ICA1L: variants seen among roughly 807,000 people sequenced by gnomAD.
The protein encoded by ICA1L is islet cell autoantigen 1-like protein.
Under a neutral mutation model 61.3 loss-of-function variants are expected in ICA1L, and 50 were observed. The observed-to-expected ratio is 0.82, with a 90% CI of 0.65 to 1.03. The LOEUF is 1.03. Among genes scored for constraint, ICA1L ranks in the 50% least tolerant of loss-of-function variants. ICA1L has a pLI of 0.00. For missense variants in ICA1L, 508 were observed against 556.7 expected (o/e 0.91, Z 0.88); for synonymous variants, 161 against 191.3 (o/e 0.84, Z 1.31).
Position 202,835,448 on chromosome 2 carries a change from C to T in ICA1L, c.-7-6432G>A, listed in dbSNP as rs541640944. On this transcript the variant is annotated intron_variant, in intron 1 of 12. Transcript: ENST00000358299. ...CTCAAACTCTTGACCTCAAGTGATC[C>T]TCCCACCTTGGCCTCCCAAAGTGCT... Among the ~76,000 whole-genome samples the T allele has an allele frequency of 1.3e-4, 20 of 151,954 alleles. No homozygotes were observed. In the South Asian group the frequency reaches 4.2e-3, roughly 32 times the overall value.
At chr2:202,857,483 G>C (rs1694798909) in intron 1 of ICA1L, among the ~76,000 whole-genome samples, 1 of 152,032 alleles carries the variant, frequency 6.6e-6, no homozygotes, top group African/African-American at 2.4e-5. Context: ...ACTCAAGATG[G>C]ATTAAAGACT....
rs1394941750 is a variant in ICA1L at position 202,796,888 on chromosome 2, A to G, written c.985+2T>C. 6.5e-7 allele frequency: 1 copy of G among 1,534,646 alleles called. No homozygotes were observed. The highest frequency in any genetic ancestry group is 1.8e-5 in the Admixed American group (1 of 54,688). On this transcript the variant is annotated splice_donor_variant, in intron 10 of 12. Transcript: ENST00000358299. LOFTEE classifies it high-confidence loss of function. The stretch of plus-strand genomic sequence containing the variant: ...TCATATGTAGAGTGAAATGATTCTT[A>G]CCATTTTCAGAGTTAGAAAACTGAG...
intron 12 of ICA1L, among the ~76,000 whole-genome samples, chr2:202,782,752 GT>G (rs796321822): frequency 1.8e-4 from 27 of 149,700 alleles, no homozygotes; most frequent in African/African-American, 5.1e-4. Context: ...TTGGTGAGAA[GT>G]TTTTTTTTTC....
intron 1 of ICA1L, among the ~76,000 whole-genome samples, chr2:202,848,658 T>C (rs1392620405): frequency 6.6e-6 from 1 of 152,208 alleles, no homozygotes; most frequent in African/African-American, 2.4e-5. Context: ...AAATATAGTC[T>C]GAAAAGTCAT....
rs143297029 is a variant in ICA1L at position 202,857,232 on chromosome 2, T to C, written c.-8+14387A>G. Among the ~76,000 whole-genome samples the C allele has an allele frequency of 3.2e-3, 492 of 152,290 alleles. 4 individuals carry two copies. Among genetic ancestry groups the C allele is most frequent in the African/African-American group, 0.011 (474 of 41,548 alleles). On this transcript the variant is annotated intron_variant, in intron 1 of 12. Coordinates refer to ENST00000358299, the MANE Select transcript of ICA1L (RefSeq NM_001288622.3). ...TATCATGCTACCTGACTTTGAACTA[T>C]ACTACAAGTCTACAGTAACCAAAAC...
chr2:202,830,566 A>C (rs1329225358), intron 1 of ICA1L, among the ~76,000 whole-genome samples: 1 of 152,248 alleles, frequency 6.6e-6, no homozygotes, highest in Non-Finnish European at 1.5e-5. Context: ...TTATTCCAAC[A>C]AACTGTAAGA....
chr2:202,788,457 C>T (rs1232270728), intron 11 of ICA1L, among the ~76,000 whole-genome samples: 1 of 152,142 alleles, frequency 6.6e-6, no homozygotes, highest in African/African-American at 2.4e-5. Flanking sequence ...GGGAACCAGC[C>T]TCCAGAGCTG....
At chr2:202,799,501 A>G (rs1693030949) in intron 9 of ICA1L, among the ~76,000 whole-genome samples, 1 of 152,144 alleles carries the variant, frequency 6.6e-6, no homozygotes. Flanking sequence ...AGTTCCTCGT[A>G]TATTCTGGAT....
chr2:202,833,233 A>T (rs925571255), intron 1 of ICA1L, among the ~76,000 whole-genome samples: 1 of 152,234 alleles, frequency 6.6e-6, no homozygotes, highest in Non-Finnish European at 1.5e-5. Context: ...TAAGGTACTG[A>T]GAGGAGAAAA....
chr2:202,854,739 C>T (rs2105884056), intron 1 of ICA1L, among the ~76,000 whole-genome samples: 1 of 152,304 alleles, frequency 6.6e-6, no homozygotes, highest in Non-Finnish European at 1.5e-5. Flanking sequence ...TTAAGAAACT[C>T]ACCTGAGGCC....
At chr2:202,843,481 A>AT (rs200438238) in intron 1 of ICA1L, among the ~76,000 whole-genome samples, 10 of 151,910 alleles carry the variant, frequency 6.6e-5, no homozygotes, top group Admixed American at 5.2e-4. Context: ...ACCCCAATCT[A>AT]TTTTTTTTCC....
chr2:202,869,841 G>A lies in ICA1L; in HGVS notation c.-8+1778C>T, dbSNP rs1687644979. On this transcript the variant is annotated intron_variant, in intron 1 of 12. Transcript: ENST00000358299. ...TAGAAGGTGACTAAATTTTAATGGTGAATACTGGATCCAAGTACAAGTTTG... is the reference window on the plus strand; with the variant it reads ...TAGAAGGTGACTAAATTTTAATGGTAAATACTGGATCCAAGTACAAGTTTG... Among the ~76,000 whole-genome samples, 3 of 152,000 alleles carry A rather than the reference G, an allele frequency of 2.0e-5. No individual in the cohort carries two copies. In the South Asian group the frequency reaches 6.2e-4, roughly 32 times the overall value.
chr2:202,848,018 G>T (rs1694513963), intron 1 of ICA1L, among the ~76,000 whole-genome samples: 1 of 152,134 alleles, frequency 6.6e-6, no homozygotes, highest in Non-Finnish European at 1.5e-5. Flanking sequence ...TTTTTAAGTG[G>T]GAACTAAACA....
Position 202,816,154 on chromosome 2 carries a change from C to G in ICA1L, c.685-145G>C, listed in dbSNP as rs1693527672. The G allele has an allele frequency of 2.9e-5, 16 of 542,654 alleles. No individual in the cohort carries two copies. The East Asian group carries it at 5.2e-4, about 18-fold the overall frequency. The allele number at this position is 542,654 out of a possible 1,614,324, so 33.6% of individuals were successfully genotyped here. ...AATTCAATTTTCCAAGTTTAGGGAA[C>G]CATAAAGCACTGCAAATAGTACTTG... On this transcript the variant is annotated intron_variant, in intron 6 of 12. Transcript: ENST00000358299.
rs1024315059 is a variant in ICA1L, at chr2:202,774,699, AAG to A, written c.*4832_*4833del. ...GGGTCAGGGAGAAGCACACAAGAAA[AAG>A]AGAATTTCACTGGTGCATTTAAATG... On this transcript the variant is annotated 3_prime_UTR_variant, in exon 13 of 13. Transcript: ENST00000358299. 82 of 174,216 alleles carry A rather than the reference AAG, an allele frequency of 4.7e-4. No individual in the cohort carries two copies. The highest frequency in any genetic ancestry group is 1.8e-3 in the African/African-American group (77 of 42,340). 10.8% of individuals were successfully genotyped at this position (174,216 alleles called of 1,614,324 possible). A position where few individuals can be genotyped will look rare whatever the true frequency, so the allele number is the denominator to read the frequency against.
intron 10 of ICA1L, among the ~76,000 whole-genome samples, chr2:202,791,519 C>T (rs1472908275): frequency 6.6e-6 from 1 of 152,190 alleles, no homozygotes; most frequent in Non-Finnish European, 1.5e-5. Flanking sequence ...CACCATCAGT[C>T]ACTGGAGAAA....
intron 4 of ICA1L, 89 bp downstream of exon 4, chr2:202,821,269 G>C (rs186761269): frequency 1.9e-5 from 24 of 1,290,186 alleles, no homozygotes; most frequent in South Asian, 4.3e-5. Context: ...AGAATGAACA[G>C]TGACCTTTAC....
intron 1 of ICA1L, among the ~76,000 whole-genome samples, chr2:202,845,947 GT>G (rs1279865317): frequency 6.6e-6 from 1 of 152,166 alleles, no homozygotes; most frequent in Admixed American, 6.5e-5. Flanking sequence ...TAACATAGTA[GT>G]CCTGCTTACT....
Position 202,773,685 on chromosome 2 carries a change from T to G in ICA1L, c.*5848A>C. ...TTCAGAGATAGATGCCCAAGAGCTA[T>G]CATTAATATATACAGCATATTGACT... On this transcript the variant is annotated 3_prime_UTR_variant, in exon 13 of 13. Transcript: ENST00000358299. 1.1e-6 allele frequency: 1 copy of G among 871,248 alleles called. No homozygotes were observed. The highest frequency in any genetic ancestry group is 1.8e-6 in the Non-Finnish European group (1 of 547,208). 54.0% of individuals were successfully genotyped at this position (871,248 alleles called of 1,614,324 possible).
Sources: gnomAD v4.1 joint callset for allele counts (sites outside exome capture counted in the v4.1 genomes callset) on GRCh38, gnomAD v4.1.1 for gene constraint, MANE v1.5 for transcripts, NCBI Gene and HGNC (gene_info 2026-07-23, HGNC 2026-07-21) for gene names.